TMEM45A: variants seen among roughly 807,000 people sequenced by gnomAD.
TMEM45A encodes DNA polymerase-transactivated protein 4.
In TMEM45A, 25 loss-of-function variants were observed where a neutral mutation model predicts 32.0. That is an observed-to-expected ratio of 0.78 (90% CI 0.57 to 1.09). TMEM45A has a LOEUF of 1.09. TMEM45A is among the 50% of genes least tolerant of loss of function. TMEM45A has a pLI of 0.00. For synonymous variants in TMEM45A, 122 were observed against 114.8 expected, an observed-to-expected ratio of 1.06 and a Z score of -0.40; for missense variants, 302 against 325.0, an observed-to-expected ratio of 0.93 and a Z score of 0.54.
At chr3:100,565,240 A>G (rs1366990026) in intron 4 of TMEM45A, among the ~76,000 whole-genome samples, 4 of 152,176 alleles carry the variant, frequency 2.6e-5, no homozygotes, top group African/African-American at 9.7e-5. Flanking sequence ...TATGTACATG[A>G]GTGAGGATTA....
chr3:100,532,508 T>C (rs1705664993), intron 1 of TMEM45A, among the ~76,000 whole-genome samples: 1 of 152,228 alleles, frequency 6.6e-6, no homozygotes, highest in Non-Finnish European at 1.5e-5. Context: ...ATGCCATTCG[T>C]TGAGTAACCT....
chr3:100,547,611 T>C (rs903812632), intron 1 of TMEM45A, among the ~76,000 whole-genome samples: 3 of 152,080 alleles, frequency 2.0e-5, no homozygotes, highest in Non-Finnish European at 4.4e-5. Context: ...GGGTTGATCT[T>C]TCTTGCTGAC....
intron 1 of TMEM45A, among the ~76,000 whole-genome samples, chr3:100,544,397 C>T (rs1004588315): frequency 1.3e-5 from 2 of 152,128 alleles, no homozygotes; most frequent in African/African-American, 2.4e-5. Context: ...ATAAAGTTCA[C>T]ATCTTTTAAG....
At chr3:100,504,263 A>T (rs933571092) in intron 1 of TMEM45A, among the ~76,000 whole-genome samples, 1 of 150,400 alleles carries the variant, frequency 6.6e-6, no homozygotes, top group Admixed American at 6.7e-5. Flanking sequence ...AAAAAAAAAA[A>T]GTCTTGCTTG....
intron 1 of TMEM45A, among the ~76,000 whole-genome samples, chr3:100,505,236 C>T (rs372474916): frequency 2.0e-5 from 3 of 152,194 alleles, no homozygotes; most frequent in Admixed American, 6.6e-5. Context: ...CATCTCACCA[C>T]GTGCTCTACC....
chr3:100,560,780 A>G (rs775350074), intron 4 of TMEM45A, among the ~76,000 whole-genome samples: 1 of 152,376 alleles, frequency 6.6e-6, no homozygotes, highest in South Asian at 2.1e-4. Context: ...AATTATAAAC[A>G]TAAGAGCAGA....
intron 1 of TMEM45A, among the ~76,000 whole-genome samples, chr3:100,520,549 A>G (rs560888950): frequency 6.6e-6 from 1 of 152,202 alleles, no homozygotes; most frequent in South Asian, 2.1e-4. Flanking sequence ...ATGTGGCCTT[A>G]TACATTGGGT....
intron 1 of TMEM45A, among the ~76,000 whole-genome samples, chr3:100,535,127 C>CTT (rs552596403): frequency 8.3e-5 from 12 of 144,802 alleles, no homozygotes; most frequent in Non-Finnish European, 6.1e-5. Flanking sequence ...TTGGCTGGGC[C>CTT]TTTTTTTTTT....
intron 1 of TMEM45A, among the ~76,000 whole-genome samples, chr3:100,552,601 AC>A (rs1398065082): frequency 6.6e-6 from 1 of 152,206 alleles, no homozygotes; most frequent in East Asian, 1.9e-4. Flanking sequence ...AAACTAGGTA[AC>A]CAGGGATTCT....
chr3:100,555,503 A>G (rs1284119852), intron 2 of TMEM45A, 102 bp downstream of exon 2: 24 of 1,244,412 alleles, frequency 1.9e-5, no homozygotes, highest in Non-Finnish European at 1.4e-5. Context: ...AATTGTTCTG[A>G]TCTCTGAAAG....
chr3:100,539,478 TGTATATGTATATGTATAC>T (rs1429880311), intron 1 of TMEM45A, among the ~76,000 whole-genome samples: 2,315 of 127,098 alleles, frequency 0.018, 116 homozygotes, highest in African/African-American at 0.055. Context: ...TATATGTATA[TGTATATGTATATGTATAC>T]GTATACGTAT....
chr3:100,530,685 G>A (rs1008395901), intron 1 of TMEM45A, among the ~76,000 whole-genome samples: 33 of 152,126 alleles, frequency 2.2e-4, no homozygotes, highest in African/African-American at 7.7e-4. Flanking sequence ...TTTAAAAAAT[G>A]TATATGGAAT....
chr3:100,498,831 A>C (rs1316637559), intron 1 of TMEM45A, among the ~76,000 whole-genome samples: 1 of 152,146 alleles, frequency 6.6e-6, no homozygotes, highest in East Asian at 1.9e-4. Context: ...TTTATTTTAC[A>C]TCCCTACAGC....
chr3:100,503,079 CCTTCTTCCT>C (rs959161226), intron 1 of TMEM45A, among the ~76,000 whole-genome samples: 12 of 151,482 alleles, frequency 7.9e-5, no homozygotes, highest in Middle Eastern at 3.4e-3. Context: ...TCCTCCTCCT[CCTTCTTCCT>C]CTTCTTCCTC....
At chr3:100,525,797 C>T (rs998309385) in intron 1 of TMEM45A, among the ~76,000 whole-genome samples, 12 of 152,242 alleles carry the variant, frequency 7.9e-5, no homozygotes, top group Non-Finnish European at 1.0e-4. Context: ...GCTTGTGGTA[C>T]GGGGAGACAG....
chr3:100,521,388 G>C (rs537349711), intron 1 of TMEM45A, among the ~76,000 whole-genome samples: 1 of 151,980 alleles, frequency 6.6e-6, no homozygotes, highest in African/African-American at 2.4e-5. Flanking sequence ...CAAGTAGCTG[G>C]GATTACAGGC....
intron 1 of TMEM45A, among the ~76,000 whole-genome samples, chr3:100,500,105 C>G (rs1170093296): frequency 6.6e-6 from 1 of 152,162 alleles, no homozygotes; most frequent in East Asian, 1.9e-4. Context: ...CCTTCCACTA[C>G]TCTCCCCACA....
intron 1 of TMEM45A, among the ~76,000 whole-genome samples, chr3:100,514,854 C>T (rs1472238307): frequency 7.4e-5 from 11 of 149,316 alleles, no homozygotes; most frequent in East Asian, 3.9e-4. Context: ...GACATTTATG[C>T]AGCCAAAAAA....
chr3:100,511,219 G>A (rs951079177), intron 1 of TMEM45A, among the ~76,000 whole-genome samples: 34 of 152,296 alleles, frequency 2.2e-4, no homozygotes, highest in Admixed American at 2.1e-3. Context: ...AGGGCAGCCA[G>A]AGAGAAAGGT....
Sources: allele counts gnomAD v4.1 joint callset (sites outside exome capture counted in the v4.1 genomes callset), GRCh38; gene constraint gnomAD v4.1.1; transcripts MANE v1.5; gene names NCBI Gene and HGNC (gene_info 2026-07-23, HGNC 2026-07-21).